The following COLEC10 variants were observed in gnomAD, a reference collection of about 807,000 sequenced individuals.
The protein encoded by COLEC10 is collectin subfamily member 10, also known as collectin-10.
In COLEC10, 22 loss-of-function variants were observed where a neutral mutation model predicts 28.4. That is an observed-to-expected ratio of 0.78 (90% CI 0.55 to 1.11). The LOEUF is 1.11. Ranked by LOEUF, COLEC10 falls within the 50% of genes least tolerant of loss-of-function variation. The probability of loss-of-function intolerance (pLI) is 0.00; values close to 1 mark genes in which losing one functional copy is unlikely to be tolerated. For missense variants in COLEC10, 361 were observed against 344.1 expected, an observed-to-expected ratio of 1.05 and a Z score of -0.39; for synonymous variants, 125 against 116.1, an observed-to-expected ratio of 1.08 and a Z score of -0.49.
At chr8:119,053,876 C>T (rs1003024485) in intron 2 of COLEC10, among the ~76,000 whole-genome samples, 2 of 151,972 alleles carry the variant, frequency 1.3e-5, no homozygotes, top group South Asian at 2.1e-4. Flanking sequence ...GTATTGAACC[C>T]TATATATACT....
At chr8:118,982,516 GC>G in the COLEC10 span, 1 of 159,844 alleles carries the variant, frequency 6.3e-6, no homozygotes, top group South Asian at 1.9e-4. Context: ...ACATCTAATG[GC>G]CCTCAGAAGC....
chr8:119,042,804 G>A (rs184074067), intron 2 of COLEC10, among the ~76,000 whole-genome samples: 289 of 152,266 alleles, frequency 1.9e-3, no homozygotes, highest in Non-Finnish European at 3.4e-3. Flanking sequence ...AGGATTAGTT[G>A]AGATTATGTA....
intron 1 of COLEC10, among the ~76,000 whole-genome samples, chr8:119,004,599 T>C (rs1345396487): frequency 2.6e-5 from 4 of 151,244 alleles, no homozygotes; most frequent in Admixed American, 6.6e-5. Flanking sequence ...CAATCAAGAA[T>C]TGAGAATATC....
At chr8:118,972,731 T>G in the COLEC10 span, among the ~76,000 whole-genome samples, 1 of 151,884 alleles carries the variant, frequency 6.6e-6, no homozygotes, top group Non-Finnish European at 1.5e-5. Context: ...CCATCTACCT[T>G]CTAGCATAAT....
chr8:119,102,433 T>C (rs760722964), intron 4 of COLEC10, 32 bp downstream of exon 4: 13 of 1,552,912 alleles, frequency 8.4e-6, no homozygotes, highest in South Asian at 1.2e-5. Flanking sequence ...CTTTGATTTC[T>C]AGCATGATTC....
At chr8:119,023,222 C>T (rs1425193065) in intron 2 of COLEC10, among the ~76,000 whole-genome samples, 1 of 152,096 alleles carries the variant, frequency 6.6e-6, no homozygotes, top group Non-Finnish European at 1.5e-5. Flanking sequence ...TTATATTCCA[C>T]AAAATTTACT....
rs563525719 is a variant in COLEC10 at position 119,036,442 on chromosome 8, A to G, written n.235+26889A>G. Among the ~76,000 whole-genome samples, 16 of 152,316 alleles carry G rather than the reference A, an allele frequency of 1.1e-4. 1 individual carries two copies. The highest frequency in any genetic ancestry group is 3.8e-4 in the African/African-American group (16 of 41,566). On this transcript the variant is annotated intron_variant and non_coding_transcript_variant, in intron 2 of 6. Coordinates refer to the COLEC10 transcript ENST00000521788. ...CTCATTATAATATATATTGTAAGAA[A>G]CAGTGTAAATTATTGTTATGCAATT...
At chr8:119,102,233 TC>T in intron 3 of COLEC10, 114 bp from the exon 4 acceptor site, 3 of 243,530 alleles carry the variant, frequency 1.2e-5, no homozygotes, top group South Asian at 8.7e-5. Context: ...CCTCCCTCCC[TC>T]CCTCCCTCCT....
rs751017822 is a variant in COLEC10 at position 119,034,664 on chromosome 8, G to A, written n.235+25111G>A. On this transcript the variant is annotated intron_variant and non_coding_transcript_variant, in intron 2 of 6. Transcript: ENST00000521788. Reference sequence around the variant, plus strand: ...GCGGAGGTTGCAGTGAGCCAAGACCGCGCCACTGCACTCCAGCCTGGGTGA... The same window carrying A: ...GCGGAGGTTGCAGTGAGCCAAGACCACGCCACTGCACTCCAGCCTGGGTGA... Among the ~76,000 whole-genome samples the A allele has an allele frequency of 3.5e-4, 53 of 152,230 alleles. 2 individuals carry two copies. Among genetic ancestry groups the A allele is most frequent in the Admixed American group, 1.3e-4 (2 of 15,302 alleles).
intron 3 of COLEC10, among the ~76,000 whole-genome samples, chr8:119,094,226 A>G (rs1339581595): frequency 1.3e-5 from 2 of 152,166 alleles, no homozygotes; most frequent in Non-Finnish European, 2.9e-5. Context: ...AATGTTTGAA[A>G]TATACAGGGC....
chr8:119,084,056 T>C (rs907076704), intron 1 of COLEC10, among the ~76,000 whole-genome samples: 1 of 152,222 alleles, frequency 6.6e-6, no homozygotes, highest in Admixed American at 6.5e-5. Context: ...GCTTGCTTTT[T>C]ATGTTTTTAT....
intron 2 of COLEC10, among the ~76,000 whole-genome samples, chr8:119,056,222 A>G (rs929254498): frequency 6.6e-6 from 1 of 152,014 alleles, no homozygotes; most frequent in African/African-American, 2.4e-5. Flanking sequence ...GGGTACCCTT[A>G]AAAAGTCAAG....
the COLEC10 span, among the ~76,000 whole-genome samples, chr8:118,982,175 C>T: frequency 9.2e-5 from 14 of 152,134 alleles, no homozygotes; most frequent in East Asian, 7.7e-4. Context: ...CTATCTAATG[C>T]TTCACATATA....
the COLEC10 span, among the ~76,000 whole-genome samples, chr8:118,977,539 G>C: frequency 7.1e-6 from 1 of 141,098 alleles, no homozygotes; most frequent in African/African-American, 2.7e-5. Context: ...TCATAGGTGG[G>C]AACTGAACAA....
At chr8:119,074,285 A>T (rs1815182141) in intron 1 of COLEC10, among the ~76,000 whole-genome samples, 1 of 152,182 alleles carries the variant, frequency 6.6e-6, no homozygotes, top group Admixed American at 6.5e-5. Context: ...AATAACTAAA[A>T]GAGTATAATT....
At chr8:118,991,987 G>A (rs902896043), upstream of COLEC10, among the ~76,000 whole-genome samples, 1 of 152,072 alleles carries the variant, frequency 6.6e-6, no homozygotes, top group Non-Finnish European at 1.5e-5. Flanking sequence ...GAGGCACACA[G>A]TAATTGACAG....
chr8:119,028,317 G>A (rs16891882), intron 2 of COLEC10, among the ~76,000 whole-genome samples: 6,692 of 152,230 alleles, frequency 0.044, 217 homozygotes, highest in East Asian at 0.16. Context: ...AATGTCAAGT[G>A]TAAAAGACAC....
intron 2 of COLEC10, among the ~76,000 whole-genome samples, chr8:119,090,070 T>C (rs1815558435): frequency 6.9e-6 from 1 of 145,472 alleles, no homozygotes; most frequent in Non-Finnish European, 1.5e-5. Flanking sequence ...GTCTCCCTTC[T>C]AAAGCCACTG....
upstream of COLEC10, among the ~76,000 whole-genome samples, chr8:118,990,638 C>A (rs1365479222): frequency 6.6e-6 from 1 of 152,084 alleles, no homozygotes; most frequent in Non-Finnish European, 1.5e-5. Flanking sequence ...CATTTAAACA[C>A]CATCTTCATT....
Sources: allele counts gnomAD v4.1 joint callset (sites outside exome capture counted in the v4.1 genomes callset), GRCh38; gene constraint gnomAD v4.1.1; transcripts MANE v1.5; gene names NCBI Gene and HGNC (gene_info 2026-07-23, HGNC 2026-07-21).